Variants in DUS1L observed in about 807,000 individuals in gnomAD.
DUS1L encodes the protein tRNA-dihydrouridine(16/17) synthase [NAD(P)(+)]-like.
DUS1L carries 56 observed loss-of-function variants against 61.2 expected under a neutral mutation model. That is an observed-to-expected ratio of 0.92 (90% confidence interval 0.74 to 1.14). The LOEUF (loss-of-function observed/expected upper bound fraction) is 1.14. DUS1L is among the 50% of genes most tolerant of loss of function. The pLI is 0.00. For synonymous variants in DUS1L, 278 were observed against 259.5 expected (o/e 1.07, Z -0.69); for missense variants, 630 against 632.4 (o/e 1.00, Z 0.04).
Position 82,060,896 on chromosome 17 carries a change from G to A in DUS1L, c.908C>T (p.Ala303Val), listed in dbSNP as rs748900173. The change falls in exon 9 of 14, where the codon GCT becomes GTT. Residue 303 changes from alanine to valine, a missense_variant. Physicochemically the swap from Ala to Val is moderately conservative, Grantham distance 64 (BLOSUM62 0). Transcript: ENST00000306796. ...AKVKTLEGIA[A>V]VSQELKLRCQ... ...CCGCAGCTTCAGCTCCTGGCTCACA[G>A]CAGCGATGCCCTCCAGGGTCTTCAC... 1 of 1,611,694 alleles carries A rather than the reference G, an allele frequency of 6.2e-7. No individual in the cohort carries two copies. Among genetic ancestry groups the A allele is most frequent in the Admixed American group, 1.7e-5 (1 of 60,016 alleles).
chr17:82,065,237 T>G, intron 1 of DUS1L, 168 bp from the exon 2 acceptor site: 1 of 589,880 alleles, frequency 1.7e-6, no homozygotes, highest in South Asian at 2.3e-5. Context: ...GCCACTCCAG[T>G]GCCGCCACCT....
chr17:82,064,150 A>G lies in DUS1L; in HGVS notation c.322T>C (p.Cys108Arg). Reference sequence around the variant, plus strand: ...CCTCTCTTGGCTATCATCTGTGGGCAGCCCAAGTTCAGGTCAATGGCGTCA... The same window carrying G: ...CCTCTCTTGGCTATCATCTGTGGGCGGCCCAAGTTCAGGTCAATGGCGTCA... ...YCDAIDLNLGCPQMIAKRGHY... is the reference protein window; with the variant it reads ...YCDAIDLNLGRPQMIAKRGHY... Residue 108 changes from cysteine (C) to arginine (R), a missense_variant, in exon 3 of 14, where the codon TGC becomes CGC. Coordinates refer to ENST00000306796, the MANE Select transcript of DUS1L (RefSeq NM_022156.5). The G allele has an allele frequency of 1.2e-6, 2 of 1,612,760 alleles. No individual in the cohort carries two copies. Among genetic ancestry groups the G allele is most frequent in the Non-Finnish European group, 1.7e-6 (2 of 1,179,848 alleles).
chr17:82,058,700 T>C, intron 12 of DUS1L, 81 bp downstream of exon 12: 1 of 1,591,952 alleles, frequency 6.3e-7, no homozygotes, highest in South Asian at 1.1e-5. Context: ...GCACCAGACC[T>C]GCCACCCCAA....
intron 12 of DUS1L, 106 bp from the exon 13 acceptor site, chr17:82,058,522 G>T: frequency 6.8e-7 from 1 of 1,467,132 alleles, no homozygotes; most frequent in Non-Finnish European, 9.0e-7. Context: ...GATGCCCACG[G>T]CCTGGATGCA....
rs528501942 is a variant in DUS1L, at chr17:82,058,332, C to T, written c.1282+9G>A. 41 of 1,511,594 alleles carry T rather than the reference C, an allele frequency of 2.7e-5. No individual in the cohort carries two copies. The highest frequency in any genetic ancestry group is 1.0e-4 in the South Asian group (8 of 76,296). 93.6% of individuals were successfully genotyped at this position (1,511,594 alleles called of 1,614,324 possible). A position where few individuals can be genotyped will look rare whatever the true frequency, so the allele number is the denominator to read the frequency against. ...TGCCTGCTGCGGGGCGGGTGGTAGGCGCCCTCACCTGGGCAGTCTGCAGTC... is the reference window on the plus strand; with the variant it reads ...TGCCTGCTGCGGGGCGGGTGGTAGGTGCCCTCACCTGGGCAGTCTGCAGTC... On this transcript the variant is annotated intron_variant, in intron 13 of 13. Coordinates refer to ENST00000306796, the MANE Select transcript of DUS1L (RefSeq NM_022156.5).
At position 82,061,661 on chromosome 17, in the gene DUS1L, C is replaced by T. The variant is rs759398792; in HGVS notation, c.654G>A (p.Glu218=). ...GCACACCCGTGTCCCGGAGGCAGCG[C>T]TCCACGTCCTGCAGGCACTGGATGT... ...NGNIQCLQDV[E]RCLRDTGVQG... The change falls in exon 7 of 14, where the codon GAG becomes GAA. Residue 218 remains glutamate (E), a synonymous_variant. Coordinates refer to ENST00000306796, the MANE Select transcript of DUS1L (RefSeq NM_022156.5). 2 of 1,612,964 alleles carry T rather than the reference C, an allele frequency of 1.2e-6. No individual in the cohort carries two copies. The highest frequency in any genetic ancestry group is 2.2e-5 in the South Asian group (2 of 91,090).
chr17:82,061,226 G>A lies in DUS1L; in HGVS notation c.825C>T (p.Phe275=). Residue 275 remains phenylalanine, a synonymous_variant, in exon 8 of 14, where the codon TTC becomes TTT. Coordinates refer to ENST00000306796, the MANE Select transcript of DUS1L (RefSeq NM_022156.5). ...CAACTCACGTGTGGTGCCACAGCTT[G>A]AAGAGGTGGGCCCGGACGTAGGACA... ...CPLSYVRAHL[F]KLWHHTLQVH... is the part of the protein sequence containing the mutation. 1 of 1,596,200 alleles carries A rather than the reference G, an allele frequency of 6.3e-7. No homozygotes were observed. The highest frequency in any genetic ancestry group is 8.6e-7 in the Non-Finnish European group (1 of 1,169,330).
At chr17:82,064,373 C>T (rs1057336721) in intron 2 of DUS1L, 139 bp from the exon 3 acceptor site, 1 of 687,786 alleles carries the variant, frequency 1.5e-6, no homozygotes, top group African/African-American at 1.8e-5. Flanking sequence ...CCTGCGGAGG[C>T]TTACAATATG....
intron 13 of DUS1L, 33 bp from the exon 14 acceptor site, chr17:82,058,287 G>GGAGGCGGAGGGGGTCT: frequency 1.9e-6 from 3 of 1,542,916 alleles, no homozygotes; most frequent in Middle Eastern, 1.7e-4. Context: ...TCGGGGGTCA[G>GGAGGCGGAGGGGGTCT]GAGGCGGAGG....
Position 82,060,084 on chromosome 17 carries a change from C to G in DUS1L, c.1032G>C (p.Glu344Asp). The part of the protein sequence containing the change: ...CQPYIRPGPR[E>D]GSKEKAGARS... ...GCGCACCTGCCTTCTCCTTGCTCCCCTCCCTGGGCCTGAGGGGAGGGCAGC... is the reference window on the plus strand; with the variant it reads ...GCGCACCTGCCTTCTCCTTGCTCCCGTCCCTGGGCCTGAGGGGAGGGCAGC... The change falls in exon 11 of 14, where the codon GAG (glutamate) becomes GAC (aspartate). Residue 344 changes from glutamate to aspartate, a missense_variant. Glu to Asp is a conservative substitution (Grantham distance 45). Transcript: ENST00000306796. 6.2e-7 allele frequency: 1 copy of G among 1,612,942 alleles called. No individual in the cohort carries two copies. Among genetic ancestry groups the G allele is most frequent in the Non-Finnish European group, 8.5e-7 (1 of 1,179,722 alleles).
chr17:82,064,004 G>C, intron 3 of DUS1L, 122 bp downstream of exon 3: 1 of 840,002 alleles, frequency 1.2e-6, no homozygotes, highest in South Asian at 1.6e-5. Flanking sequence ...GCTGGCTCCA[G>C]CCTGAGCCAC....
Position 82,058,124 on chromosome 17 carries a change from G to T in DUS1L, c.1413C>A (p.Ala471=). 1 of 1,574,630 alleles carries T rather than the reference G, an allele frequency of 6.4e-7. No individual in the cohort carries two copies. The highest frequency in any genetic ancestry group is 2.3e-5 in the East Asian group (1 of 43,398). ...TGGGGGTTGTGGGCCTTCAGGCCAG[G>T]GCACTGCCCATGACTTCGGAGAAGC... ...PGGFSEVMGS[A]LA Residue 471 remains alanine, a synonymous_variant, in exon 14 of 14, where the codon GCC becomes GCA. Coordinates refer to ENST00000306796, the MANE Select transcript of DUS1L (RefSeq NM_022156.5).
chr17:82,065,499 C>T (rs11656944), intron 1 of DUS1L, 114 bp downstream of exon 1: 2,829 of 161,898 alleles, frequency 0.017, 59 homozygotes, highest in East Asian at 0.068. Context: ...GCCAGGCGGC[C>T]CGGCTGGCCC....
intron 12 of DUS1L, 151 bp downstream of exon 12, chr17:82,058,630 A>C: frequency 6.6e-7 from 1 of 1,505,744 alleles, no homozygotes; most frequent in Non-Finnish European, 8.9e-7. Flanking sequence ...GGCTGGAAGC[A>C]AGGGGCCGTC....
In DUS1L at chr17:82,061,252, G is replaced by A; in HGVS notation, c.799C>T (p.Leu267=). The A allele has an allele frequency of 6.2e-7, 1 of 1,608,886 alleles. No homozygotes were observed. The highest frequency in any genetic ancestry group is 8.5e-7 in the Non-Finnish European group (1 of 1,177,546). Reference sequence around the variant, plus strand: ...AAGAGGTGGGCCCGGACGTAGGACAGGGGGCAGGGGTGCTCCCGCACGATG... The same window carrying A: ...AAGAGGTGGGCCCGGACGTAGGACAAGGGGCAGGGGTGCTCCCGCACGATG... ...LDIVREHPCP[L]SYVRAHLFKL... The change falls in exon 8 of 14, where the codon CTG becomes TTG. Residue 267 remains leucine, a synonymous_variant. Coordinates refer to ENST00000306796, the MANE Select transcript of DUS1L (RefSeq NM_022156.5).
intron 11 of DUS1L, chr17:82,059,740 G>A (rs1448884794): frequency 3.1e-6 from 2 of 641,626 alleles, no homozygotes; most frequent in Non-Finnish European, 5.4e-6. Context: ...CTGAGCCCAT[G>A]TCCCACATGC....
chr17:82,059,469 G>A (rs905741208), intron 11 of DUS1L: 4 of 167,520 alleles, frequency 2.4e-5, no homozygotes, highest in Non-Finnish European at 2.6e-5. Context: ...ATACGGCGGC[G>A]ACCAGGGGTC....
intron 8 of DUS1L, 64 bp downstream of exon 8, chr17:82,061,145 G>A: frequency 6.4e-7 from 1 of 1,557,422 alleles, no homozygotes; most frequent in East Asian, 2.3e-5. Context: ...TGCCCCAGGT[G>A]GGGTCTGACG....
rs1477054755 is a variant in DUS1L at position 82,058,416 on chromosome 17, C to T, written c.1207G>A (p.Gly403Ser). 1 of 1,486,834 alleles carries T rather than the reference C, an allele frequency of 6.7e-7. No homozygotes were observed. Among genetic ancestry groups the T allele is most frequent in the Admixed American group, 2.3e-5 (1 of 42,950 alleles). The allele number at this position is 1,486,834 out of a possible 1,614,324, so 92.1% of individuals were successfully genotyped here. A position where few individuals can be genotyped will look rare whatever the true frequency, so the allele number is the denominator to read the frequency against. ...AKCDQCGNPK[G>S]NRCVFSLCRG... ...CACAGGCTGAACACACATCTGTTGCCCTGGGCACAGGAAATCTCGGGAGCC... is the reference window on the plus strand; with the variant it reads ...CACAGGCTGAACACACATCTGTTGCTCTGGGCACAGGAAATCTCGGGAGCC... Residue 403 changes from glycine to serine, a missense_variant and splice_region_variant, in exon 13 of 14, where the codon GGC (glycine) becomes AGC (serine). By Grantham distance (56) the Gly-to-Ser change is moderately conservative. Coordinates refer to ENST00000306796, the MANE Select transcript of DUS1L (RefSeq NM_022156.5).
Sources: gnomAD v4.1 joint callset for allele counts on GRCh38, gnomAD v4.1.1 for gene constraint, MANE v1.5 for transcripts, NCBI Gene and HGNC (gene_info 2026-07-23, HGNC 2026-07-21) for gene names.